LRRC72: variants seen among roughly 807,000 people sequenced by gnomAD.
LRRC72 encodes the protein leucine-rich repeat-containing protein 72.
A neutral mutation model predicts 35.8 loss-of-function variants in LRRC72; 41 were observed. The ratio of observed to expected loss-of-function variants is 1.15; its 90% confidence interval spans 0.89 to 1.49. The LOEUF (loss-of-function observed/expected upper bound fraction) is 1.49. Ranked by LOEUF, LRRC72 falls within the 40% of genes most tolerant of loss-of-function variation. The pLI is 0.00. For synonymous variants in LRRC72, 118 were observed against 119.2 expected (o/e 0.99, Z 0.07); for missense variants, 389 against 330.7 (o/e 1.18, Z -1.37).
chr7:16,578,028 C>T (rs1355159919), intron 7 of LRRC72, among the ~76,000 whole-genome samples: 3 of 152,148 alleles, frequency 2.0e-5, no homozygotes, highest in Non-Finnish European at 4.4e-5. Context: ...CTCTCCCCTA[C>T]AGAAGTGCTT....
chr7:16,573,817 C>T (rs1782990385), intron 7 of LRRC72, among the ~76,000 whole-genome samples: 1 of 152,150 alleles, frequency 6.6e-6, no homozygotes, highest in East Asian at 1.9e-4. Flanking sequence ...TCTAATTAAA[C>T]TAAAGAGCTT....
chr7:16,566,745 G>C (rs975268755), intron 6 of LRRC72, among the ~76,000 whole-genome samples: 3 of 151,972 alleles, frequency 2.0e-5, no homozygotes, highest in Non-Finnish European at 4.4e-5. Context: ...TGAGGGAATT[G>C]GAATAAATCT....
At chr7:16,543,099 C>T (rs1017112126) in intron 3 of LRRC72, among the ~76,000 whole-genome samples, 6 of 152,132 alleles carry the variant, frequency 3.9e-5, no homozygotes, top group African/African-American at 1.4e-4. Context: ...TTATTCAGAT[C>T]GCAAACTCTA....
At chr7:16,574,433 A>G (rs1037137931) in intron 7 of LRRC72, among the ~76,000 whole-genome samples, 2 of 152,218 alleles carry the variant, frequency 1.3e-5, no homozygotes, top group African/African-American at 4.8e-5. Context: ...GATAAAGAAA[A>G]TGTGGCACAT....
intron 3 of LRRC72, among the ~76,000 whole-genome samples, chr7:16,548,297 C>T (rs970325407): frequency 7.2e-5 from 11 of 152,132 alleles, no homozygotes; most frequent in South Asian, 4.1e-4. Context: ...TGCTGAATGG[C>T]GGGGCTAAAA....
intron 3 of LRRC72, among the ~76,000 whole-genome samples, chr7:16,538,255 C>T (rs1782297147): frequency 6.6e-6 from 1 of 152,176 alleles, no homozygotes; most frequent in Non-Finnish European, 1.5e-5. Context: ...CTTCAGCCTT[C>T]TCCAGGTTTG....
intron 1 of LRRC72, among the ~76,000 whole-genome samples, chr7:16,527,703 G>A (rs2030512379): frequency 6.6e-6 from 1 of 152,100 alleles, no homozygotes; most frequent in Non-Finnish European, 1.5e-5. Flanking sequence ...AAAGATGGGG[G>A]GCTGCTGTGA....
chr7:16,573,972 A>G (rs1479203877), intron 7 of LRRC72, among the ~76,000 whole-genome samples: 1 of 152,192 alleles, frequency 6.6e-6, no homozygotes, highest in African/African-American at 2.4e-5. Context: ...ACACAACCTC[A>G]TCAAAAAGTG....
intron 3 of LRRC72, among the ~76,000 whole-genome samples, chr7:16,543,573 GC>G (rs1167753926): frequency 1.3e-5 from 2 of 152,052 alleles, no homozygotes; most frequent in African/African-American, 4.8e-5. Context: ...TAAATAGGTG[GC>G]CCCACTTAGG....
intron 3 of LRRC72, among the ~76,000 whole-genome samples, chr7:16,544,377 G>T (rs1782408573): frequency 6.6e-6 from 1 of 152,120 alleles, no homozygotes; most frequent in South Asian, 2.1e-4. Context: ...CTCTGTGAGG[G>T]CTTGTTTAGC....
intron 6 of LRRC72, 74 bp from the exon 7 acceptor site, chr7:16,567,317 G>A (rs908828962): frequency 5.6e-5 from 58 of 1,032,280 alleles, no homozygotes; most frequent in Non-Finnish European, 6.6e-6. Flanking sequence ...ATTCTTGAAA[G>A]TGTTCAGTTC....
At chr7:16,547,039 G>A (rs1376156223) in intron 3 of LRRC72, among the ~76,000 whole-genome samples, 1 of 152,074 alleles carries the variant, frequency 6.6e-6, no homozygotes, top group Non-Finnish European at 1.5e-5. Context: ...CCCCAAGGCA[G>A]CCAACTGCAC....
At chr7:16,532,754 A>C (rs1486642640) in intron 2 of LRRC72, 186 bp downstream of exon 2, 3 of 626,270 alleles carry the variant, frequency 4.8e-6, no homozygotes, top group Admixed American at 5.0e-5. Context: ...AATTGATTAA[A>C]AAAAAAAAAA....
intron 6 of LRRC72, among the ~76,000 whole-genome samples, chr7:16,566,686 G>C (rs2128338181): frequency 6.6e-6 from 1 of 152,206 alleles, no homozygotes; most frequent in South Asian, 2.1e-4. Context: ...TTAACAGGTT[G>C]GATGCCAAAT....
At chr7:16,570,307 C>T (rs79055598) in intron 7 of LRRC72, among the ~76,000 whole-genome samples, 7,379 of 152,218 alleles carry the variant, frequency 0.048, 224 homozygotes, top group East Asian at 0.11. Context: ...TTTTGGAATG[C>T]CCTTGAGACA....
chr7:16,554,157 C>T (rs1280172005), intron 3 of LRRC72, among the ~76,000 whole-genome samples: 1 of 152,058 alleles, frequency 6.6e-6, no homozygotes. Flanking sequence ...GGGGAAACCC[C>T]CATCTCTACT....
At chr7:16,562,147 G>A (rs1423910336) in intron 5 of LRRC72, among the ~76,000 whole-genome samples, 1 of 152,120 alleles carries the variant, frequency 6.6e-6, no homozygotes, top group Non-Finnish European at 1.5e-5. Context: ...GTGAGGTCCT[G>A]GGAACTGGAA....
chr7:16,571,760 T>C (rs1412324899), intron 7 of LRRC72, among the ~76,000 whole-genome samples: 1 of 152,124 alleles, frequency 6.6e-6, no homozygotes, highest in East Asian at 1.9e-4. Flanking sequence ...AGCACAAAAC[T>C]GGGCGGCCAT....
chr7:16,564,650 T>C (rs1189019899), intron 5 of LRRC72, among the ~76,000 whole-genome samples: 4 of 152,200 alleles, frequency 2.6e-5, no homozygotes, highest in Non-Finnish European at 4.4e-5. Flanking sequence ...GTTTATTATG[T>C]ACCAGGTGTC....
Sources: allele counts gnomAD v4.1 joint callset (sites outside exome capture counted in the v4.1 genomes callset), GRCh38; gene constraint gnomAD v4.1.1; transcripts MANE v1.5; gene names NCBI Gene and HGNC (gene_info 2026-07-23, HGNC 2026-07-21).